GHR: variants seen among roughly 807,000 people sequenced by gnomAD.
The protein encoded by GHR is GH receptor.
In GHR, 35 loss-of-function variants were observed where a neutral mutation model predicts 67.1. The ratio of observed to expected loss-of-function variants is 0.52; its 90% CI spans 0.40 to 0.69. GHR has a LOEUF of 0.69. Among genes scored for constraint, GHR ranks in the 30% least tolerant of loss-of-function variants. The pLI is 0.00. For synonymous variants in GHR, 272 were observed against 269.1 expected, an observed-to-expected ratio of 1.01 and a Z score of -0.10; for missense variants, 792 against 764.6, an observed-to-expected ratio of 1.04 and a Z score of -0.42.
At chr5:42,438,564 G>C (rs1046760627) in intron 1 of GHR, among the ~76,000 whole-genome samples, 17 of 152,256 alleles carry the variant, frequency 1.1e-4, no homozygotes, top group Non-Finnish European at 2.2e-4. Flanking sequence ...TTAATCTGGG[G>C]AAAACCAGCT....
chr5:42,708,845 A>C (rs188945505), intron 6 of GHR, among the ~76,000 whole-genome samples: 5 of 152,232 alleles, frequency 3.3e-5, no homozygotes, highest in African/African-American at 1.2e-4. Context: ...TTTTCGTGGC[A>C]CCTCTGCTAA....
chr5:42,712,902 A>T lies in GHR; in HGVS notation c.785-527A>T, dbSNP rs2972777. On this transcript the variant is annotated intron_variant, in intron 7 of 9. Transcript: ENST00000230882. ...TTAATTTATTGATATAAATACGTAT[A>T]TTTATAGCTGTAAAATATATGTTAT... 2.1e-3 allele frequency among the ~76,000 whole-genome samples: 317 copies of T among 151,288 alleles called. 2 individuals carry two copies. Among genetic ancestry groups the T allele is most frequent in the African/African-American group, 7.2e-3 (300 of 41,408 alleles).
rs1561197413 is a variant in GHR, at chr5:42,650,599, A to ATG, written c.136+21497_136+21498insGT. ...ATAACATATATATATATATATATAT[A>ATG]TATGTATGTCTATGACTGCTGGCAT... On this transcript the variant is annotated intron_variant, in intron 3 of 9. Transcript: ENST00000230882. 3.4e-5 allele frequency among the ~76,000 whole-genome samples: 5 copies of ATG among 146,376 alleles called. No individual in the cohort carries two copies. The South Asian group carries it at 6.4e-4, about 19-fold the overall frequency.
rs1748564613 is a variant in GHR, at chr5:42,542,611, T to C, written c.-11-23253T>C. On this transcript the variant is annotated intron_variant, in intron 1 of 9. Coordinates refer to ENST00000230882, the MANE Select transcript of GHR (RefSeq NM_000163.5). ...TTCCTGCAAAAATAGCTCCTTTAGG[T>C]ATTTTTCAAAATTTTATACATGTAT... 3.3e-5 allele frequency among the ~76,000 whole-genome samples: 5 copies of C among 152,118 alleles called. No individual in the cohort carries two copies. The South Asian group carries it at 6.2e-4, about 19-fold the overall frequency.
intron 1 of GHR, among the ~76,000 whole-genome samples, chr5:42,560,380 G>A (rs951158189): frequency 6.6e-6 from 1 of 152,102 alleles, no homozygotes; most frequent in Non-Finnish European, 1.5e-5. Flanking sequence ...TTTTGGTAGA[G>A]ACGGGGTTTC....
Position 42,662,662 on chromosome 5 carries a change from C to T in GHR, c.137-26228C>T, listed in dbSNP as rs576984261. On this transcript the variant is annotated intron_variant, in intron 3 of 9. Coordinates refer to ENST00000230882, the MANE Select transcript of GHR (RefSeq NM_000163.5). ...CCCACAAGAGAAAGCAGGAAAGATC[C>T]AAAATTGACACCCTAACATCACAAT... Among the ~76,000 whole-genome samples the T allele has an allele frequency of 3.5e-3, 535 of 152,008 alleles. 2 individuals are homozygous for T. The highest frequency in any genetic ancestry group is 0.012 in the African/African-American group (508 of 41,484).
At chr5:42,558,031 C>T (rs910563152) in intron 1 of GHR, among the ~76,000 whole-genome samples, 10 of 152,154 alleles carry the variant, frequency 6.6e-5, no homozygotes, top group African/African-American at 2.4e-4. Flanking sequence ...GTATTTACAT[C>T]ACAGAAATTG....
chr5:42,684,960 A>T (rs1026557299), intron 3 of GHR, among the ~76,000 whole-genome samples: 1 of 152,050 alleles, frequency 6.6e-6, no homozygotes, highest in African/African-American at 2.4e-5. Context: ...TATTATTATT[A>T]TACTTTAAGT....
intron 2 of GHR, among the ~76,000 whole-genome samples, chr5:42,622,147 A>G (rs960303666): frequency 3.3e-5 from 5 of 152,172 alleles, no homozygotes; most frequent in Non-Finnish European, 5.9e-5. Flanking sequence ...CCACAGAGCA[A>G]AAGGAGGGGG....
At chr5:42,694,840 T>A in intron 4 of GHR, 77 bp from the exon 5 acceptor site, 1 of 1,062,790 alleles carries the variant, frequency 9.4e-7, no homozygotes. Context: ...TGAATCAGAC[T>A]ATCAAGCACC....
At position 42,511,398 on chromosome 5, in the gene GHR, A is replaced by G. The variant is rs190407391; in HGVS notation, c.-11-54466A>G. 3.9e-5 allele frequency among the ~76,000 whole-genome samples: 6 copies of G among 152,326 alleles called. No individual in the cohort carries two copies. The East Asian group carries it at 7.7e-4, about 20-fold the overall frequency. ...CTCATGTATTGGCTGAACCACATCC[A>G]TAAGTATTAAGATCCGTGAGGGCAA... On this transcript the variant is annotated intron_variant, in intron 1 of 9. Transcript: ENST00000230882.
chr5:42,637,979 G>A (rs528222225), intron 3 of GHR, among the ~76,000 whole-genome samples: 16 of 152,158 alleles, frequency 1.1e-4, no homozygotes, highest in Non-Finnish European at 1.2e-4. Context: ...TCGCTTTGTC[G>A]CCTGGGCTGG....
chr5:42,628,428 G>A (rs1467763174), intron 2 of GHR, among the ~76,000 whole-genome samples: 3 of 133,014 alleles, frequency 2.3e-5, no homozygotes, highest in South Asian at 2.3e-4. Flanking sequence ...GCCCAAGGCC[G>A]TCAGATTCAG....
intron 2 of GHR, among the ~76,000 whole-genome samples, chr5:42,590,258 T>A (rs1751705325): frequency 6.6e-6 from 1 of 152,184 alleles, no homozygotes; most frequent in South Asian, 2.1e-4. Flanking sequence ...ACTTCTACTT[T>A]CAAATGTAGT....
At chr5:42,680,402 C>T (rs1273448992) in intron 3 of GHR, among the ~76,000 whole-genome samples, 1 of 152,054 alleles carries the variant, frequency 6.6e-6, no homozygotes, top group Admixed American at 6.6e-5. Context: ...CCCATATCCA[C>T]CATAACGGGC....
intron 8 of GHR, 126 bp downstream of exon 8, chr5:42,713,645 C>A: frequency 1.5e-6 from 1 of 676,632 alleles, no homozygotes; most frequent in Admixed American, 2.2e-5. Flanking sequence ...ACCTAGTACA[C>A]TTTTATCTCC....
chr5:42,581,673 G>A (rs557648928), intron 2 of GHR, among the ~76,000 whole-genome samples: 11 of 152,268 alleles, frequency 7.2e-5, no homozygotes, highest in African/African-American at 2.4e-4. Flanking sequence ...TGGCAGCAGC[G>A]GCCCATCTGG....
intron 3 of GHR, among the ~76,000 whole-genome samples, chr5:42,632,745 A>T (rs1364998449): frequency 6.6e-6 from 1 of 152,228 alleles, no homozygotes; most frequent in Non-Finnish European, 1.5e-5. Flanking sequence ...AGGTCAGCCC[A>T]GGGTAAATAT....
chr5:42,636,050 A>G (rs1388509220), intron 3 of GHR, among the ~76,000 whole-genome samples: 1 of 151,860 alleles, frequency 6.6e-6, no homozygotes, highest in Non-Finnish European at 1.5e-5. Flanking sequence ...CTCTACTAAA[A>G]ATACAAAAAA....
Sources: allele counts gnomAD v4.1 joint callset (sites outside exome capture counted in the v4.1 genomes callset), GRCh38; gene constraint gnomAD v4.1.1; transcripts MANE v1.5; gene names NCBI Gene and HGNC (gene_info 2026-07-23, HGNC 2026-07-21).